KCNAB1: variants seen among roughly 807,000 people sequenced by gnomAD.
KCNAB1 encodes the protein potassium voltage-gated channel subfamily A regulatory beta subunit 1.
A neutral mutation model predicts 64.6 loss-of-function variants in KCNAB1; 35 were observed. That is an observed-to-expected ratio of 0.54 (90% CI 0.41 to 0.72). The LOEUF (loss-of-function observed/expected upper bound fraction) is 0.72, where lower values mean the gene tolerates loss of function less well. KCNAB1 is among the 30% of genes least tolerant of loss of function. The probability of loss-of-function intolerance (pLI) is 0.00; values close to 1 mark genes in which losing one functional copy is unlikely to be tolerated. For synonymous variants in KCNAB1, 177 were observed against 183.8 expected, an observed-to-expected ratio of 0.96 and a Z score of 0.30; for missense variants, 401 against 512.9, an observed-to-expected ratio of 0.78 and a Z score of 2.11.
At chr3:156,403,044 T>C (rs1402171349) in intron 1 of KCNAB1, among the ~76,000 whole-genome samples, 2 of 152,224 alleles carry the variant, frequency 1.3e-5, no homozygotes, top group Non-Finnish European at 2.9e-5. Flanking sequence ...TTACCTCTAC[T>C]ACTTAGATAT....
chr3:156,309,825 G>T (rs1721770652), intron 1 of KCNAB1, among the ~76,000 whole-genome samples: 1 of 152,176 alleles, frequency 6.6e-6, no homozygotes, highest in South Asian at 2.1e-4. Context: ...GAGATTGCAG[G>T]GGCAGAAGAA....
chr3:156,165,122 C>CA (rs1276589799), intron 1 of KCNAB1, among the ~76,000 whole-genome samples: 17 of 151,142 alleles, frequency 1.1e-4, no homozygotes, highest in African/African-American at 3.6e-4. Context: ...ACTAAAAATA[C>CA]AAAAAATTAG....
At chr3:156,324,771 C>T (rs571007246) in intron 1 of KCNAB1, among the ~76,000 whole-genome samples, 1 of 152,264 alleles carries the variant, frequency 6.6e-6, no homozygotes, top group East Asian at 1.9e-4. Flanking sequence ...GCCAGGCTTT[C>T]TACCATGCTC....
intron 8 of KCNAB1, among the ~76,000 whole-genome samples, chr3:156,507,190 A>G (rs1398960249): frequency 1.3e-5 from 2 of 152,216 alleles, no homozygotes; most frequent in East Asian, 3.8e-4. Context: ...TCTGAGTCTC[A>G]GGTTCTTCCT....
At chr3:156,516,479 A>G (rs4295133) in intron 11 of KCNAB1, 115 bp downstream of exon 11, 369,637 of 760,270 alleles carry the variant, frequency 0.49, 91,382 homozygotes, top group African/African-American at 0.61. Flanking sequence ...TGTGTTGTCC[A>G]GGCCAGTGGC....
chr3:156,185,756 T>C (rs1310299296), intron 1 of KCNAB1, among the ~76,000 whole-genome samples: 2 of 152,112 alleles, frequency 1.3e-5, no homozygotes, highest in African/African-American at 4.8e-5. Context: ...TTTTCTCGTA[T>C]AGGGAGGACA....
chr3:156,135,046 G>T (rs1413241928), intron 1 of KCNAB1, among the ~76,000 whole-genome samples: 2 of 151,622 alleles, frequency 1.3e-5, no homozygotes, highest in Non-Finnish European at 2.9e-5. Context: ...GCCCAGGCTG[G>T]AGTGCAGTGG....
rs144763045 is a variant in KCNAB1 at position 156,502,976 on chromosome 3, T to C, written c.659-11388T>C. On this transcript the variant is annotated intron_variant, in intron 8 of 13. Transcript: ENST00000490337. ...GATGGGTTTACTTTCATTTTGAGTG[T>C]TTTTAAATGAATTAGAATTCATTGC... Among the ~76,000 whole-genome samples the C allele has an allele frequency of 3.3e-5, 5 of 152,336 alleles. No homozygotes were observed. In the East Asian group the frequency reaches 9.6e-4, roughly 29 times the overall value.
At chr3:156,125,301 CA>C (rs1463201510) in intron 1 of KCNAB1, among the ~76,000 whole-genome samples, 1 of 152,106 alleles carries the variant, frequency 6.6e-6, no homozygotes, top group Non-Finnish European at 1.5e-5. Flanking sequence ...TGGATGACTC[CA>C]AAAATCCCCA....
At chr3:156,328,665 C>T (rs756978007) in intron 1 of KCNAB1, among the ~76,000 whole-genome samples, 7 of 152,108 alleles carry the variant, frequency 4.6e-5, no homozygotes, top group South Asian at 2.1e-4. Flanking sequence ...ACTTGTAGGC[C>T]GGGTACAAAT....
intron 2 of KCNAB1, among the ~76,000 whole-genome samples, chr3:156,439,612 G>A (rs1371204970): frequency 1.3e-5 from 2 of 152,112 alleles, no homozygotes; most frequent in Non-Finnish European, 2.9e-5. Context: ...TACTCTTTCC[G>A]AGTTAACAGA....
intron 7 of KCNAB1, among the ~76,000 whole-genome samples, chr3:156,471,646 T>G (rs1713905356): frequency 1.3e-5 from 2 of 152,266 alleles, no homozygotes; most frequent in South Asian, 4.1e-4. Flanking sequence ...CATTTTTGCA[T>G]GTCTACTTAA....
intron 1 of KCNAB1, among the ~76,000 whole-genome samples, chr3:156,165,231 TC>T (rs1711507127): frequency 8.7e-6 from 1 of 115,278 alleles, no homozygotes; most frequent in African/African-American, 3.5e-5. Context: ...TGAGCCGAGA[TC>T]CCGCCACTGC....
At chr3:156,343,302 A>G (rs1186872311) in intron 1 of KCNAB1, among the ~76,000 whole-genome samples, 3 of 152,200 alleles carry the variant, frequency 2.0e-5, no homozygotes. Flanking sequence ...CTGTATTCCT[A>G]ATCAGCTCCC....
At chr3:156,474,646 A>T in intron 7 of KCNAB1, 88 bp from the exon 8 acceptor site, 1 of 906,600 alleles carries the variant, frequency 1.1e-6, no homozygotes, top group South Asian at 1.5e-5. Flanking sequence ...CTATTTTTTT[A>T]AAGCAAATTC....
chr3:156,376,220 G>T (rs569115566), intron 1 of KCNAB1, among the ~76,000 whole-genome samples: 7 of 152,354 alleles, frequency 4.6e-5, no homozygotes, highest in African/African-American at 1.4e-4. Flanking sequence ...GGTACTCAGA[G>T]GAAGTTGGAA....
chr3:156,254,336 C>T (rs1335107608), intron 1 of KCNAB1, among the ~76,000 whole-genome samples: 2 of 152,198 alleles, frequency 1.3e-5, no homozygotes, highest in African/African-American at 2.4e-5. Flanking sequence ...GCACTGGCCA[C>T]AGGAATGGGG....
intron 1 of KCNAB1, among the ~76,000 whole-genome samples, chr3:156,300,755 A>G (rs1204554157): frequency 6.6e-6 from 1 of 152,192 alleles, no homozygotes; most frequent in Non-Finnish European, 1.5e-5. Context: ...TGAGATATCA[A>G]CTCGAAAAAT....
intron 1 of KCNAB1, among the ~76,000 whole-genome samples, chr3:156,421,258 A>C (rs1715447955): frequency 6.6e-6 from 1 of 152,308 alleles, no homozygotes; most frequent in Admixed American, 6.5e-5. Context: ...TTGACAAATA[A>C]TGAATGAATG....
Sources: allele counts gnomAD v4.1 joint callset (sites outside exome capture counted in the v4.1 genomes callset), GRCh38; gene constraint gnomAD v4.1.1; transcripts MANE v1.5; gene names NCBI Gene and HGNC (gene_info 2026-07-23, HGNC 2026-07-21).